TLL1: variants seen among roughly 807,000 people sequenced by gnomAD.
The protein encoded by TLL1 is tolloid like 1, also known as tolloid-like protein 1.
Under a neutral mutation model 128.2 loss-of-function variants are expected in TLL1, and 49 were observed. The ratio of observed to expected loss-of-function variants is 0.38; its 90% CI spans 0.30 to 0.48. TLL1 has a LOEUF of 0.48. Ranked by LOEUF, TLL1 falls within the 20% of genes least tolerant of loss-of-function variation. The pLI, the probability that TLL1 is intolerant of heterozygous loss-of-function variation, is 0.96. For missense variants in TLL1, 1,123 were observed against 1,242.0 expected (o/e 0.90, Z 1.44); for synonymous variants, 454 against 418.8 (o/e 1.08, Z -1.03).
At position 165,881,668 on chromosome 4, in the gene TLL1, G is replaced by A. The variant is rs141402498; in HGVS notation, c.169+7595G>A. Reference sequence around the variant, plus strand: ...GCATTCTCGTAGTGTGAGAAGTTACGAGTGAAATACCTACTTATGGATGAA... The same window carrying A: ...GCATTCTCGTAGTGTGAGAAGTTACAAGTGAAATACCTACTTATGGATGAA... On this transcript the variant is annotated intron_variant, in intron 1 of 20. Coordinates refer to ENST00000061240, the MANE Select transcript of TLL1 (RefSeq NM_012464.5). 2.2e-4 allele frequency among the ~76,000 whole-genome samples: 33 copies of A among 152,300 alleles called. No homozygotes were observed. The East Asian group carries it at 4.3e-3, about 20-fold the overall frequency.
intron 15 of TLL1, 82 bp downstream of exon 15, chr4:166,060,270 ATGT>A: frequency 1.4e-5 from 18 of 1,274,152 alleles, no homozygotes; most frequent in Non-Finnish European, 1.8e-5. Context: ...AAAAAAAAAG[ATGT>A]AGTAAAATAG....
chr4:165,988,932 A>G (rs192562916), intron 1 of TLL1, among the ~76,000 whole-genome samples: 168 of 152,270 alleles, frequency 1.1e-3, no homozygotes, highest in African/African-American at 3.8e-3. Context: ...TGCACCTTGC[A>G]TTATAAAATT....
chr4:166,072,256 G>A (rs777239780), intron 16 of TLL1, among the ~76,000 whole-genome samples: 1 of 151,830 alleles, frequency 6.6e-6, no homozygotes, highest in Non-Finnish European at 1.5e-5. Context: ...TCAGATGTGC[G>A]AATGAAGGCA....
rs138017521 is a variant in TLL1, at chr4:166,043,295, G to T, written c.1400G>T (p.Arg467Leu). The T allele has an allele frequency of 6.2e-7, 1 of 1,613,940 alleles. No individual in the cohort carries two copies. Among genetic ancestry groups the T allele is most frequent in the East Asian group, 2.2e-5 (1 of 44,874 alleles). The change falls in exon 12 of 21, where the codon CGT (arginine) becomes CTT (leucine). Residue 467 changes from arginine to leucine, a missense_variant. This residue lies in a region of TLL1 where 634 missense variants were observed against 672.4 expected (regional missense o/e 0.94). Coordinates refer to ENST00000061240, the MANE Select transcript of TLL1 (RefSeq NM_012464.5). ...VYEAICGGEI[R>L]KNEGQIQSPN... ...TCAGCGATCTGTGGAGGTGAGATAC[G>T]TAAAAATGAAGGACAGATTCAGTCT...
At chr4:166,085,020 G>A (rs1490462332) in intron 18 of TLL1, among the ~76,000 whole-genome samples, 1 of 151,666 alleles carries the variant, frequency 6.6e-6, no homozygotes, top group Non-Finnish European at 1.5e-5. Context: ...TTATTTCAAA[G>A]TATTTTAATT....
rs909330485 is a variant in TLL1 at position 165,974,344 on chromosome 4, T to G, written c.170-15037T>G. The stretch of plus-strand genomic sequence containing the variant: ...TTTCATAGAGACGGGGTTTCACCGT[T>G]TTAGCCGGGATGGCCTCGATCTCCT... On this transcript the variant is annotated intron_variant, in intron 1 of 20. Coordinates refer to ENST00000061240, the MANE Select transcript of TLL1 (RefSeq NM_012464.5). 3.1e-4 allele frequency among the ~76,000 whole-genome samples: 41 copies of G among 130,928 alleles called. 1 individual carries two copies. The highest frequency in any genetic ancestry group is 2.0e-3 in the Admixed American group (28 of 14,164). The allele number at this position is 130,928 out of a possible 152,430, so 85.9% of individuals were successfully genotyped here. A position where few individuals can be genotyped will look rare whatever the true frequency, so the allele number is the denominator to read the frequency against.
Position 166,044,995 on chromosome 4 carries a change from A to G in TLL1, c.1524+1576A>G, listed in dbSNP as rs553134658. 9.8e-5 allele frequency among the ~76,000 whole-genome samples: 15 copies of G among 152,292 alleles called. No individual in the cohort carries two copies. In the South Asian group the frequency reaches 3.1e-3, roughly 32 times the overall value. ...ACAGTCTTCAAAAATAAGATAACAT[A>G]AGGACAAATGGAAAAGATATGCACC... On this transcript the variant is annotated intron_variant, in intron 12 of 20. Coordinates refer to ENST00000061240, the MANE Select transcript of TLL1 (RefSeq NM_012464.5).
chr4:165,922,986 A>G (rs186209073), intron 1 of TLL1, among the ~76,000 whole-genome samples: 103 of 152,252 alleles, frequency 6.8e-4, no homozygotes, highest in African/African-American at 2.3e-3. Context: ...TCAAGTAGGG[A>G]TATCATTAGC....
Position 166,099,479 on chromosome 4 carries a change from T to C in TLL1, c.2859T>C (p.Asp953=). Residue 953 remains aspartate (D), a synonymous_variant, in exon 20 of 21, where the codon GAT becomes GAC. Transcript: ENST00000061240. ...DCGYDYVELF[D]GLDSTAVGLG... ...GCTATGACTATGTGGAGCTCTTTGATGGTCTTGATTCAACAGCTGTGGGGC... is the reference window on the plus strand; with the variant it reads ...GCTATGACTATGTGGAGCTCTTTGACGGTCTTGATTCAACAGCTGTGGGGC... 6.2e-7 allele frequency: 1 copy of C among 1,613,518 alleles called. No individual in the cohort carries two copies.
At chr4:166,047,400 G>A (rs543773693) in intron 12 of TLL1, among the ~76,000 whole-genome samples, 68 of 151,258 alleles carry the variant, frequency 4.5e-4, no homozygotes, top group African/African-American at 1.6e-3. Context: ...TCCTGAATTC[G>A]TGATCTGCCC....
At chr4:165,999,946 CA>C (rs1442210120) in intron 5 of TLL1, among the ~76,000 whole-genome samples, 1 of 152,136 alleles carries the variant, frequency 6.6e-6, no homozygotes, top group East Asian at 1.9e-4. Flanking sequence ...GGTTTTGTTC[CA>C]AAAGGGTTTG....
At chr4:165,918,319 C>T (rs1416836756) in intron 1 of TLL1, among the ~76,000 whole-genome samples, 1 of 152,102 alleles carries the variant, frequency 6.6e-6, no homozygotes, top group Non-Finnish European at 1.5e-5. Flanking sequence ...TCATAGAACA[C>T]TTACAGGCTA....
At chr4:166,081,947 A>G (rs1484542103) in intron 18 of TLL1, among the ~76,000 whole-genome samples, 2 of 152,070 alleles carry the variant, frequency 1.3e-5, no homozygotes, top group Non-Finnish European at 2.9e-5. Flanking sequence ...TCCTTCACAC[A>G]TTGCAGGATT....
chr4:165,903,112 G>A (rs1308323051), intron 1 of TLL1, among the ~76,000 whole-genome samples: 4 of 152,114 alleles, frequency 2.6e-5, no homozygotes, highest in Non-Finnish European at 4.4e-5. Flanking sequence ...GCTGAGGCAC[G>A]CAGATCACCT....
At chr4:165,876,191 C>A (rs958137280) in intron 1 of TLL1, among the ~76,000 whole-genome samples, 1 of 152,080 alleles carries the variant, frequency 6.6e-6, no homozygotes, top group African/African-American at 2.4e-5. Flanking sequence ...AATTATCTAC[C>A]CTGCTTTTGA....
chr4:165,917,917 T>C (rs939369706), intron 1 of TLL1, among the ~76,000 whole-genome samples: 17 of 152,190 alleles, frequency 1.1e-4, no homozygotes, highest in Non-Finnish European at 4.4e-5. Flanking sequence ...ACTAATTAAA[T>C]TTTTTATCAT....
rs1404648542 is a variant in TLL1 at position 165,873,975 on chromosome 4, A to T, written c.71A>T (p.Glu24Val). The T allele has an allele frequency of 5.0e-6, 8 of 1,613,836 alleles. No homozygotes were observed. Among genetic ancestry groups the T allele is most frequent in the Non-Finnish European group, 6.8e-6 (8 of 1,179,968 alleles). The part of the protein sequence containing the change: ...LVASGIVFYG[E>V]LWVCAGLDYD... ...GCCTCGGGGATTGTTTTCTACGGGG[A>T]GCTATGGGTCTGCGCTGGCCTCGAT... is the stretch of plus-strand genomic sequence containing the variant. Residue 24 changes from glutamate (E) to valine (V), a missense_variant, in exon 1 of 21, where the codon GAG becomes GTG. Physicochemically the swap from Glu to Val is moderately radical, Grantham distance 121 (BLOSUM62 -2). Around this residue, in one of 3 missense-constraint regions of TLL1, gnomAD observed 480 missense variants for 542.4 expected, o/e 0.89. Coordinates refer to ENST00000061240, the MANE Select transcript of TLL1 (RefSeq NM_012464.5).
In TLL1 at chr4:166,086,347, C is replaced by T. The variant is rs546831949; in HGVS notation, c.2443-4781C>T. 3.9e-5 allele frequency among the ~76,000 whole-genome samples: 6 copies of T among 152,186 alleles called. No homozygotes were observed. In the East Asian group the frequency reaches 9.7e-4, roughly 25 times the overall value. ...TGCTGCATAGCAAATTATCCCAAAA[C>T]CTCATGGCTTAAAATGAGCACTGTT... On this transcript the variant is annotated intron_variant, in intron 18 of 20. Coordinates refer to ENST00000061240, the MANE Select transcript of TLL1 (RefSeq NM_012464.5).
intron 1 of TLL1, among the ~76,000 whole-genome samples, chr4:165,881,583 A>G (rs945713457): frequency 2.6e-5 from 4 of 152,212 alleles, no homozygotes; most frequent in Non-Finnish European, 5.9e-5. Context: ...GTATTGTCAG[A>G]GTAAGACCAG....
Sources: gnomAD v4.1 joint callset for allele counts (sites outside exome capture counted in the v4.1 genomes callset) on GRCh38, gnomAD v4.1.1 for gene constraint, gnomAD v4.1.1 regional missense constraint, MANE v1.5 for transcripts, NCBI Gene and HGNC (gene_info 2026-07-23, HGNC 2026-07-21) for gene names.